The following MYBL2 variants were observed in gnomAD, a reference collection of about 807,000 sequenced individuals.
MYBL2 encodes myb-related protein B.
Under a neutral mutation model 79.9 loss-of-function variants are expected in MYBL2, and 28 were observed. The ratio of observed to expected loss-of-function variants is 0.35; its 90% CI spans 0.26 to 0.48. The LOEUF (loss-of-function observed/expected upper bound fraction) is 0.48. MYBL2 is among the 20% of genes least tolerant of loss of function. The probability of loss-of-function intolerance (pLI) is 0.99; values close to 1 mark genes in which losing one functional copy is unlikely to be tolerated. For synonymous variants in MYBL2, 378 were observed against 361.2 expected, an observed-to-expected ratio of 1.05 and a Z score of -0.53; for missense variants, 735 against 893.9, an observed-to-expected ratio of 0.82 and a Z score of 2.27.
chr20:43,703,207 G>T (rs753731016), intron 8 of MYBL2, among the ~76,000 whole-genome samples: 1 of 152,152 alleles, frequency 6.6e-6, no homozygotes, highest in South Asian at 2.1e-4. Context: ...TTCAGTCCAC[G>T]TATGGAACCT....
At chr20:43,673,543 G>A (rs1169292723) in intron 1 of MYBL2, 10 of 501,370 alleles carry the variant, frequency 2.0e-5, no homozygotes, top group Admixed American at 4.9e-5. Context: ...AGGCTGGGGC[G>A]GGACGATCAT....
chr20:43,693,904 T>C (rs1987472516), intron 6 of MYBL2, among the ~76,000 whole-genome samples: 1 of 151,976 alleles, frequency 6.6e-6, no homozygotes, highest in Non-Finnish European at 1.5e-5. Context: ...GAAAATTAGC[T>C]GTGTGTGATT....
At position 43,692,501 on chromosome 20, in the gene MYBL2, G is replaced by A. The variant is rs576618402; in HGVS notation, c.663+182G>A. Among the ~76,000 whole-genome samples, 5 of 152,314 alleles carry A rather than the reference G, an allele frequency of 3.3e-5. 1 individual carries two copies. The highest frequency in any genetic ancestry group is 1.2e-4 in the African/African-American group (5 of 41,574). On this transcript the variant is annotated intron_variant, in intron 6 of 13. Coordinates refer to ENST00000217026, the MANE Select transcript of MYBL2 (RefSeq NM_002466.4). The stretch of plus-strand genomic sequence containing the variant: ...TGGCACTTGTCTGCCTGCAGATGAA[G>A]GATAGCAGAGCAAGCTGATTATATA...
chr20:43,692,132 A>G (rs375621509), intron 5 of MYBL2, 25 bp from the exon 6 acceptor site: 1 of 1,609,906 alleles, frequency 6.2e-7, no homozygotes, highest in Non-Finnish European at 8.5e-7. Context: ...GCTGGGGTTC[A>G]AAGGCCCCCT....
At chr20:43,714,636 A>AT (rs924825194) in intron 12 of MYBL2, among the ~76,000 whole-genome samples, 11 of 150,580 alleles carry the variant, frequency 7.3e-5, no homozygotes, top group Admixed American at 2.0e-4. Flanking sequence ...TCTTTGCTTA[A>AT]TTTTTTTTTG....
chr20:43,674,928 TAATA>T (rs1986968790), intron 2 of MYBL2, among the ~76,000 whole-genome samples: 1 of 152,222 alleles, frequency 6.6e-6, no homozygotes, highest in Non-Finnish European at 1.5e-5. Flanking sequence ...TTTTATTTTA[TAATA>T]AATGTGATTG....
rs771445247 is a variant in MYBL2, at chr20:43,711,576, C to T, written c.1694C>T (p.Pro565Leu). The T allele has an allele frequency of 6.2e-7, 1 of 1,613,362 alleles. No individual in the cohort carries two copies. Among genetic ancestry groups the T allele is most frequent in the Admixed American group, 1.7e-5 (1 of 59,940 alleles). Reference protein sequence around the residue: ...IELIIEDDIRPEKQKRKPGLR... With the variant: ...IELIIEDDIRLEKQKRKPGLR... ...CTCATCATCGAGGACGACATCAGGC[C>T]CGAGAAGCAGAAGAGGAAGCCTGGG... The change falls in exon 11 of 14, where the codon CCC (proline) becomes CTC (leucine). Residue 565 changes from proline to leucine, a missense_variant. Pro to Leu is a moderately conservative substitution (Grantham distance 98). Around this residue, in one of 5 missense-constraint regions of MYBL2, gnomAD observed 204 missense variants for 202.9 expected, o/e 1.01. Coordinates refer to ENST00000217026, the MANE Select transcript of MYBL2 (RefSeq NM_002466.4).
intron 9 of MYBL2, among the ~76,000 whole-genome samples, chr20:43,706,049 G>A (rs919323795): frequency 6.6e-6 from 1 of 152,068 alleles, no homozygotes; most frequent in African/African-American, 2.4e-5. Context: ...GGCTGGTCTT[G>A]AACTGGCCTT....
At chr20:43,687,707 G>A (rs1044808922) in intron 5 of MYBL2, among the ~76,000 whole-genome samples, 1 of 152,006 alleles carries the variant, frequency 6.6e-6, no homozygotes, top group Non-Finnish European at 1.5e-5. Flanking sequence ...AATAATGTAT[G>A]ATAGTTATTA....
In MYBL2 at chr20:43,705,373, G is replaced by A. The variant is rs1568874984; in HGVS notation, c.1505+15G>A. On this transcript the variant is annotated intron_variant, in intron 9 of 13. Transcript: ENST00000217026. The stretch of plus-strand genomic sequence containing the variant: ...AAACATGCTGCGTGAGTGCTGCAGT[G>A]CCCCCAACCTTCGCCGTCCTCTCCC... 1.3e-6 allele frequency: 2 copies of A among 1,588,684 alleles called. No individual in the cohort carries two copies. Among genetic ancestry groups the A allele is most frequent in the Admixed American group, 3.5e-5 (2 of 57,258 alleles).
chr20:43,685,147 CAAAA>C (rs112163259), intron 4 of MYBL2, among the ~76,000 whole-genome samples: 22 of 129,712 alleles, frequency 1.7e-4, no homozygotes, highest in Middle Eastern at 3.9e-3. Flanking sequence ...AACTCTGTCT[CAAAA>C]AAAAAAAAAA....
At chr20:43,699,054 T>C (rs1231558944) in intron 6 of MYBL2, among the ~76,000 whole-genome samples, 1 of 152,122 alleles carries the variant, frequency 6.6e-6, no homozygotes, top group Admixed American at 6.6e-5. Flanking sequence ...TTTAATTTTT[T>C]TGAGACAGAG....
intron 5 of MYBL2, among the ~76,000 whole-genome samples, chr20:43,690,191 TG>T (rs371232481): frequency 3.4e-5 from 5 of 145,472 alleles, no homozygotes; most frequent in African/African-American, 1.4e-4. Context: ...AGCTGTTTTT[TG>T]TTTTTTTTTT....
intron 2 of MYBL2, among the ~76,000 whole-genome samples, chr20:43,675,810 G>A (rs1411178490): frequency 6.6e-6 from 1 of 151,520 alleles, no homozygotes; most frequent in Non-Finnish European, 1.5e-5. Flanking sequence ...AGGTTCAGGG[G>A]TATATGTGCA....
chr20:43,691,611 CT>C lies in MYBL2; in HGVS notation c.501-545del, dbSNP rs1439750077. On this transcript the variant is annotated intron_variant, in intron 5 of 13. Coordinates refer to ENST00000217026, the MANE Select transcript of MYBL2 (RefSeq NM_002466.4). The stretch of plus-strand genomic sequence containing the variant: ...CTGGAGTGCAATGGCATCATCTTGG[CT>C]AACCACAACCTCTACCTCCTGGGTT... 3.3e-5 allele frequency among the ~76,000 whole-genome samples: 5 copies of C among 150,958 alleles called. No homozygotes were observed. In the East Asian group the frequency reaches 9.7e-4, roughly 29 times the overall value.
chr20:43,699,653 C>T, intron 6 of MYBL2, 104 bp from the exon 7 acceptor site: 1 of 1,232,808 alleles, frequency 8.1e-7, no homozygotes, highest in East Asian at 2.4e-5. Context: ...TATTTGGGTT[C>T]ATCACAGTTT....
chr20:43,714,814 A>G (rs1017347038), intron 12 of MYBL2, among the ~76,000 whole-genome samples: 4 of 152,094 alleles, frequency 2.6e-5, no homozygotes, highest in Non-Finnish European at 4.4e-5. Context: ...TGTTTTTAGT[A>G]GAGACGGGGT....
chr20:43,709,913 G>A (rs1056802435), intron 9 of MYBL2, 50 bp from the exon 10 acceptor site: 4 of 1,455,258 alleles, frequency 2.7e-6, no homozygotes, highest in Non-Finnish European at 1.9e-6. Context: ...CAGAGTGCCT[G>A]GCGTCGGCCC....
chr20:43,715,882 T>C (rs1024050378), intron 13 of MYBL2, 77 bp from the exon 14 acceptor site: 41 of 1,507,770 alleles, frequency 2.7e-5, no homozygotes, highest in Non-Finnish European at 3.5e-5. Context: ...ACTCTACCCT[T>C]CCCTGGCCAG....
Sources: allele counts gnomAD v4.1 joint callset (sites outside exome capture counted in the v4.1 genomes callset), GRCh38; gene constraint gnomAD v4.1.1; regional missense constraint gnomAD v4.1.1; transcripts MANE v1.5; gene names NCBI Gene and HGNC (gene_info 2026-07-23, HGNC 2026-07-21).